The following AQP7 variants were observed in gnomAD, a reference collection of about 807,000 sequenced individuals.
AQP7 encodes the protein aquaporin-7.
In AQP7, 22 loss-of-function variants were observed where a neutral mutation model predicts 26.1. That is an observed-to-expected ratio of 0.84 (90% CI 0.60 to 1.20). AQP7 has a LOEUF of 1.20. Ranked by LOEUF, AQP7 falls within the 50% of genes most tolerant of loss-of-function variation. The probability of loss-of-function intolerance (pLI) is 0.00; values close to 1 mark genes in which losing one functional copy is unlikely to be tolerated. For missense variants in AQP7, 412 were observed against 457.5 expected, an observed-to-expected ratio of 0.90 and a Z score of 0.91; for synonymous variants, 167 against 181.7, an observed-to-expected ratio of 0.92 and a Z score of 0.65.
chr9:33,398,736 C>T (rs1826031074), intron 2 of AQP7, among the ~76,000 whole-genome samples: 1 of 152,010 alleles, frequency 6.6e-6, no homozygotes, highest in Non-Finnish European at 1.5e-5. Flanking sequence ...GGCAGCTGGT[C>T]ATGTGGTCTC....
chr9:33,399,324 G>A (rs1826075996), intron 2 of AQP7, among the ~76,000 whole-genome samples: 1 of 152,088 alleles, frequency 6.6e-6, no homozygotes, highest in Non-Finnish European at 1.5e-5. Context: ...GCCAGGCATG[G>A]TGACTCATGC....
At chr9:33,397,468 G>A (rs1825938061) in intron 2 of AQP7, among the ~76,000 whole-genome samples, 1 of 151,410 alleles carries the variant, frequency 6.6e-6, no homozygotes, top group African/African-American at 2.4e-5. Flanking sequence ...GGAGTTGGAT[G>A]GGGGCCAGTG....
chr9:33,394,527 C>T (rs1321685075), intron 3 of AQP7, among the ~76,000 whole-genome samples: 21 of 136,886 alleles, frequency 1.5e-4, no homozygotes, highest in African/African-American at 5.5e-4. Flanking sequence ...GACAGAGTTT[C>T]GCTCCTGTCA....
chr9:33,386,229 C>T, intron 5 of AQP7, 34 bp from the exon 6 acceptor site: 3 of 1,612,638 alleles, frequency 1.9e-6, no homozygotes, highest in South Asian at 2.2e-5. Context: ...CGAACCTGCT[C>T]CCAACTAAGC....
intron 2 of AQP7, among the ~76,000 whole-genome samples, chr9:33,397,440 C>T (rs1587145312): frequency 2.0e-5 from 3 of 152,022 alleles, no homozygotes; most frequent in East Asian, 1.9e-4. Context: ...GACCCCTATA[C>T]GATGCTGCAT....
intron 3 of AQP7, 53 bp from the exon 4 acceptor site, chr9:33,387,145 A>C: frequency 1.3e-6 from 2 of 1,555,132 alleles, no homozygotes. Context: ...CCAACCTCAG[A>C]GGAGGGCTCA....
intron 2 of AQP7, among the ~76,000 whole-genome samples, chr9:33,400,025 G>C (rs901786338): frequency 6.6e-6 from 1 of 152,130 alleles, no homozygotes; most frequent in Non-Finnish European, 1.5e-5. Flanking sequence ...GACTTGCAGG[G>C]GGCGGAGGAG....
At chr9:33,385,311 C>A (rs758073443) in intron 7 of AQP7, 21 bp from the exon 8 acceptor site, 13 of 1,598,618 alleles carry the variant, frequency 8.1e-6, no homozygotes, top group Non-Finnish European at 1.1e-5. Flanking sequence ...GAGGCAGAGG[C>A]CTGCTGAGGG....
chr9:33,399,612 A>T (rs1184515256), intron 2 of AQP7, among the ~76,000 whole-genome samples: 25 of 151,142 alleles, frequency 1.7e-4, no homozygotes, highest in African/African-American at 4.4e-4. Flanking sequence ...AAAAAAAAAA[A>T]TTTTTTTTTG....
At chr9:33,385,967 G>C (rs1182357937) in intron 6 of AQP7, 101 bp from the exon 7 acceptor site, 7 of 1,565,114 alleles carry the variant, frequency 4.5e-6, no homozygotes, top group Middle Eastern at 2.3e-4. Context: ...ACACGTCTCG[G>C]TACAGTCTCC....
In AQP7 at chr9:33,386,098, C is replaced by T. The variant is rs1333530467; in HGVS notation, c.504G>A (p.Leu168=). ...TGACCTCATTCAGGAAGCCCCGCCA[C>T]AATGTCATGTGATCAGGAAGGTAGG... ...FATYLPDHMT[L]WRGFLNEAWL... is the part of the protein sequence containing the mutation. The change falls in exon 6 of 8, where the codon TTG becomes TTA. Residue 168 remains leucine, a synonymous_variant. Coordinates refer to ENST00000297988, the MANE Select transcript of AQP7 (RefSeq NM_001170.3). 1.2e-6 allele frequency: 2 copies of T among 1,613,696 alleles called. No homozygotes were observed. The highest frequency in any genetic ancestry group is 1.1e-5 in the South Asian group (1 of 91,056).
At chr9:33,385,925 G>A (rs1335570950) in intron 6 of AQP7, 59 bp from the exon 7 acceptor site, 1 of 1,570,190 alleles carries the variant, frequency 6.4e-7, no homozygotes, top group Non-Finnish European at 8.7e-7. Flanking sequence ...CAGGACCTCG[G>A]CAGTGCCCCA....
intron 6 of AQP7, 94 bp downstream of exon 6, chr9:33,385,983 G>C: frequency 1.3e-6 from 2 of 1,575,126 alleles, no homozygotes; most frequent in Non-Finnish European, 1.7e-6. Flanking sequence ...TCTCCATCCA[G>C]AGTTCTTGTC....
At chr9:33,395,242 G>A (rs1359935270) in intron 2 of AQP7, 47 bp from the exon 3 acceptor site, 2 of 1,518,304 alleles carry the variant, frequency 1.3e-6, no homozygotes, top group Non-Finnish European at 1.8e-6. Flanking sequence ...ACTCAAGTCT[G>A]CCTGCTGCCC....
intron 2 of AQP7, chr9:33,395,498 C>T (rs1030443503): frequency 8.1e-5 from 30 of 369,866 alleles, no homozygotes; most frequent in African/African-American, 6.0e-4. Context: ...GTGCAATCCA[C>T]GGTGCCAACA....
Position 33,384,704 on chromosome 9 carries a change from A to C in AQP7, c.*301T>G. 1 of 286,224 alleles carries C rather than the reference A, an allele frequency of 3.5e-6. No homozygotes were observed. The highest frequency in any genetic ancestry group is 6.5e-6 in the Non-Finnish European group (1 of 153,974). 17.7% of individuals were successfully genotyped at this position (286,224 alleles called of 1,614,324 possible). ...AGTCAGCTACGGTCTGTTCCCCAAA[A>C]CCACCCTTCCTTCCCCCGTGCCTGA... On this transcript the variant is annotated 3_prime_UTR_variant, in exon 8 of 8. Coordinates refer to ENST00000297988, the MANE Select transcript of AQP7 (RefSeq NM_001170.3).
chr9:33,390,349 G>T (rs1825273889), intron 3 of AQP7, among the ~76,000 whole-genome samples: 1 of 152,078 alleles, frequency 6.6e-6, no homozygotes, highest in African/African-American at 2.4e-5. Flanking sequence ...CCAGCCAAGG[G>T]GTGATATGTG....
intron 3 of AQP7, among the ~76,000 whole-genome samples, chr9:33,390,454 T>A (rs1365309913): frequency 6.0e-5 from 9 of 149,542 alleles, no homozygotes; most frequent in African/African-American, 2.0e-4. Context: ...AAGCAGCAGA[T>A]CAAGCCATTT....
chr9:33,391,054 C>T (rs1825346424), intron 3 of AQP7, among the ~76,000 whole-genome samples: 1 of 152,142 alleles, frequency 6.6e-6, no homozygotes, highest in South Asian at 2.1e-4. Context: ...GAGTAGTGAA[C>T]TGAGATCACA....
Sources: allele counts gnomAD v4.1 joint callset (sites outside exome capture counted in the v4.1 genomes callset), GRCh38; gene constraint gnomAD v4.1.1; transcripts MANE v1.5; gene names NCBI Gene and HGNC (gene_info 2026-07-23, HGNC 2026-07-21).